Variants in ANK2 observed in about 807,000 individuals in gnomAD.
ANK2 encodes the protein ankyrin 2.
A neutral mutation model predicts 360.5 loss-of-function variants in ANK2; 83 were observed. That is an observed-to-expected ratio of 0.23 (90% CI 0.19 to 0.28). ANK2 has a LOEUF of 0.28. ANK2 is among the 10% of genes least tolerant of loss of function. ANK2 has a pLI of 1.00. For missense variants in ANK2, 4,201 were observed against 4,795.7 expected, an observed-to-expected ratio of 0.88 and a Z score of 3.66; for synonymous variants, 1,740 against 1,759.5, an observed-to-expected ratio of 0.99 and a Z score of 0.28.
the ANK2 span, among the ~76,000 whole-genome samples, chr4:112,811,603 A>G: frequency 6.6e-6 from 1 of 152,172 alleles, no homozygotes; most frequent in African/African-American, 2.4e-5. Context: ...ACTCAGCAGC[A>G]GATTAGTATC....
chr4:112,880,008 A>G (rs1411336539), intron 1 of ANK2, among the ~76,000 whole-genome samples: 1 of 152,044 alleles, frequency 6.6e-6, no homozygotes, highest in Non-Finnish European at 1.5e-5. Flanking sequence ...AGCAAAAGTG[A>G]TATGGCCTTT....
chr4:113,012,529 A>G (rs2055111045), intron 2 of ANK2, among the ~76,000 whole-genome samples: 1 of 152,152 alleles, frequency 6.6e-6, no homozygotes, highest in East Asian at 1.9e-4. Flanking sequence ...TACCCTTTCT[A>G]TGGCTAGTGC....
intron 4 of ANK2, among the ~76,000 whole-genome samples, chr4:113,201,781 C>G (rs1044600943): frequency 6.6e-6 from 1 of 152,154 alleles, no homozygotes; most frequent in Admixed American, 6.6e-5. Context: ...AGGCTTCTCA[C>G]GGAGAACAAG....
At chr4:113,139,800 C>T (rs1254451599) in intron 1 of ANK2, among the ~76,000 whole-genome samples, 1 of 152,132 alleles carries the variant, frequency 6.6e-6, no homozygotes, top group East Asian at 1.9e-4. Flanking sequence ...GAATGTTGTC[C>T]TTTATGTACC....
chr4:112,752,066 A>G, the ANK2 span, among the ~76,000 whole-genome samples: 5 of 152,208 alleles, frequency 3.3e-5, no homozygotes, highest in African/African-American at 1.2e-4. Context: ...TCTTATACAC[A>G]TGGCACAACC....
rs1489947974 is a variant in ANK2, at chr4:113,021,541, C to CACACACACACACACATATATATATAT, written c.21+117028_21+117029insCACACACACACACATATATATATATA. On this transcript the variant is annotated intron_variant, in intron 2 of 30. Transcript: ENST00000503271. ...ATACACACACACACCCACACACAAA[C>CACACACACACACACATATATATATAT]ATATATATATATATATATATATATA... 1.6e-4 allele frequency among the ~76,000 whole-genome samples: 15 copies of CACACACACACACACATATATATATAT among 95,636 alleles called. 1 individual carries two copies. The highest frequency in any genetic ancestry group is 3.1e-4 in the South Asian group (1 of 3,274). 62.7% of individuals were successfully genotyped at this position (95,636 alleles called of 152,430 possible). A position where few individuals can be genotyped will look rare whatever the true frequency, so the allele number is the denominator to read the frequency against.
chr4:113,091,432 TG>T (rs1289149721), intron 1 of ANK2, among the ~76,000 whole-genome samples: 2 of 152,242 alleles, frequency 1.3e-5, no homozygotes, highest in Non-Finnish European at 2.9e-5. Context: ...TCTGTATTTT[TG>T]TTAAAAATCT....
chr4:113,204,274 A>T (rs929533342), intron 4 of ANK2, among the ~76,000 whole-genome samples: 1 of 152,216 alleles, frequency 6.6e-6, no homozygotes, highest in Non-Finnish European at 1.5e-5. Flanking sequence ...ATGATAAAAA[A>T]GGTAAACTGG....
At chr4:113,231,482 T>C (rs947507824) in intron 4 of ANK2, among the ~76,000 whole-genome samples, 5 of 152,218 alleles carry the variant, frequency 3.3e-5, no homozygotes, top group African/African-American at 1.2e-4. Context: ...TTAAATAGTT[T>C]ATGAATGATA....
chr4:113,084,226 T>C (rs189059416), intron 1 of ANK2, among the ~76,000 whole-genome samples: 13 of 152,350 alleles, frequency 8.5e-5, no homozygotes, highest in African/African-American at 2.9e-4. Context: ...TAACCTGTTG[T>C]ATGGTCAAAG....
intron 4 of ANK2, among the ~76,000 whole-genome samples, chr4:113,224,114 C>T (rs190625932): frequency 1.3e-5 from 2 of 152,250 alleles, no homozygotes; most frequent in Admixed American, 6.5e-5. Context: ...CCTCAGAAAT[C>T]ACGCACCATC....
chr4:112,846,726 G>C (rs1294023312), intron 1 of ANK2, among the ~76,000 whole-genome samples: 1 of 151,978 alleles, frequency 6.6e-6, no homozygotes, highest in Non-Finnish European at 1.5e-5. Flanking sequence ...TCATCCTCAT[G>C]TTTCAATATA....
At chr4:112,721,740 G>A in the ANK2 span, among the ~76,000 whole-genome samples, 2 of 152,082 alleles carry the variant, frequency 1.3e-5, no homozygotes, top group South Asian at 2.1e-4. Flanking sequence ...GAAAGTGCCA[G>A]GATTTATTGT....
the ANK2 span, among the ~76,000 whole-genome samples, chr4:112,795,127 A>G: frequency 3.3e-5 from 5 of 152,346 alleles, no homozygotes; most frequent in African/African-American, 7.2e-5. Flanking sequence ...AAGTAGGGAC[A>G]GAGAGCACTG....
chr4:113,147,562 C>G (rs1487376525), intron 1 of ANK2, among the ~76,000 whole-genome samples: 1 of 152,070 alleles, frequency 6.6e-6, no homozygotes, highest in Non-Finnish European at 1.5e-5. Context: ...TGGAAGTGGA[C>G]CTGTTTTCTA....
At chr4:113,098,503 A>T (rs1345946263) in intron 1 of ANK2, among the ~76,000 whole-genome samples, 1 of 152,060 alleles carries the variant, frequency 6.6e-6, no homozygotes, top group Non-Finnish European at 1.5e-5. Flanking sequence ...GAAATAGGTG[A>T]TCTGTAAGTC....
chr4:113,006,388 A>G (rs1258246806), intron 2 of ANK2, among the ~76,000 whole-genome samples: 1 of 152,238 alleles, frequency 6.6e-6, no homozygotes, highest in Non-Finnish European at 1.5e-5. Flanking sequence ...AGATAGTGGA[A>G]AAGGAAATAT....
chr4:112,958,003 G>A (rs891676893), intron 2 of ANK2, among the ~76,000 whole-genome samples: 7 of 149,266 alleles, frequency 4.7e-5, no homozygotes, highest in South Asian at 2.1e-4. Flanking sequence ...GATGGGCGGC[G>A]GGGCAGAGAC....
chr4:112,743,517 CCTTT>C, the ANK2 span, among the ~76,000 whole-genome samples: 17,713 of 144,450 alleles, frequency 0.12, 1,701 homozygotes, highest in East Asian at 0.47. Context: ...TTCCTTCCTT[CCTTT>C]CTTTCTTTCT....
Sources: allele counts gnomAD v4.1 joint callset (sites outside exome capture counted in the v4.1 genomes callset), GRCh38; gene constraint gnomAD v4.1.1; transcripts MANE v1.5; gene names NCBI Gene and HGNC (gene_info 2026-07-23, HGNC 2026-07-21).